NFATC2: variants seen among roughly 807,000 people sequenced by gnomAD.
NFATC2 encodes the protein nuclear factor of activated T cells 2, also known as nuclear factor of activated T-cells, cytoplasmic 2.
NFATC2 carries 22 observed loss-of-function variants against 87.3 expected under a neutral mutation model. The ratio of observed to expected loss-of-function variants is 0.25; its 90% CI spans 0.18 to 0.36. The LOEUF (loss-of-function observed/expected upper bound fraction) is 0.36. Ranked by LOEUF, NFATC2 falls within the 10% of genes least tolerant of loss-of-function variation. The pLI is 1.00. For synonymous variants in NFATC2, 565 were observed against 542.2 expected, an observed-to-expected ratio of 1.04 and a Z score of -0.58; for missense variants, 1,149 against 1,259.1, an observed-to-expected ratio of 0.91 and a Z score of 1.32.
intron 2 of NFATC2, among the ~76,000 whole-genome samples, 185 bp from the exon 3 acceptor site, chr20:51,517,140 C>T (rs1320800709): frequency 1.1e-4 from 17 of 152,138 alleles, no homozygotes; most frequent in Admixed American, 1.1e-3. Context: ...ACCAAGATGG[C>T]ACAGCCTACT....
chr20:51,510,630 T>C (rs2076258293), intron 3 of NFATC2, among the ~76,000 whole-genome samples: 3 of 152,234 alleles, frequency 2.0e-5, no homozygotes, highest in Admixed American at 2.0e-4. Flanking sequence ...TTTATTTGTT[T>C]GTTTTTTTAG....
At chr20:51,470,215 T>G (rs1988074816) in intron 5 of NFATC2, among the ~76,000 whole-genome samples, 1 of 149,710 alleles carries the variant, frequency 6.7e-6, no homozygotes, top group African/African-American at 2.5e-5. Flanking sequence ...CTACATGGAG[T>G]GGGAAGGGGT....
intron 1 of NFATC2, among the ~76,000 whole-genome samples, chr20:51,527,896 T>A (rs2076570326): frequency 6.6e-6 from 1 of 151,204 alleles, no homozygotes; most frequent in African/African-American, 2.4e-5. Flanking sequence ...AGGTCAGGAG[T>A]TTAAGACCAG....
At chr20:51,500,638 TCACCCTCACCACCCCCCCCTC>T (rs2076063667) in intron 3 of NFATC2, among the ~76,000 whole-genome samples, 1 of 30,560 alleles carries the variant, frequency 3.3e-5, no homozygotes, top group Non-Finnish European at 6.0e-5. Flanking sequence ...CCCTCCACCC[TCACCCTCACCACCCCCCCCTC>T]CACCCCCACC....
intron 6 of NFATC2, 115 bp from the exon 7 acceptor site, chr20:51,435,876 GGT>G (rs1311421699): frequency 3.5e-6 from 3 of 858,516 alleles, no homozygotes; most frequent in African/African-American, 1.7e-5. Context: ...ATTTCAGTAA[GGT>G]GTGTGTCAAT....
chr20:51,553,974 T>C (rs2076956528), intron 1 of NFATC2, among the ~76,000 whole-genome samples: 1 of 152,148 alleles, frequency 6.6e-6, no homozygotes, highest in Admixed American at 6.5e-5. Flanking sequence ...CCCAAGATCA[T>C]TTCTCTCTCC....
chr20:51,419,354 G>C (rs1218690728), intron 9 of NFATC2, among the ~76,000 whole-genome samples: 1 of 152,162 alleles, frequency 6.6e-6, no homozygotes, highest in Non-Finnish European at 1.5e-5. Flanking sequence ...CAAGACTCTG[G>C]CCAATACAGT....
intron 9 of NFATC2, among the ~76,000 whole-genome samples, chr20:51,413,332 C>T (rs1192971215): frequency 6.6e-6 from 1 of 152,084 alleles, no homozygotes; most frequent in African/African-American, 2.4e-5. Context: ...GAAGAGATAA[C>T]AGCCTGATTC....
At chr20:51,420,662 G>A (rs1055051070) in intron 9 of NFATC2, among the ~76,000 whole-genome samples, 22 of 152,184 alleles carry the variant, frequency 1.4e-4, no homozygotes, top group African/African-American at 5.1e-4. Flanking sequence ...AAAGGCATCT[G>A]CTTGCAACGC....
At chr20:51,519,640 G>A (rs1277734664) in intron 2 of NFATC2, among the ~76,000 whole-genome samples, 3 of 149,906 alleles carry the variant, frequency 2.0e-5, no homozygotes, top group Non-Finnish European at 4.4e-5. Flanking sequence ...AAAAGACCGG[G>A]TGCGGTGGCT....
chr20:51,454,264 T>C (rs1320982490), intron 6 of NFATC2, among the ~76,000 whole-genome samples: 1 of 152,194 alleles, frequency 6.6e-6, no homozygotes, highest in Non-Finnish European at 1.5e-5. Context: ...TTTAAAAATT[T>C]CCTTCCTTAT....
intron 3 of NFATC2, among the ~76,000 whole-genome samples, chr20:51,493,618 C>T (rs1235507860): frequency 6.6e-6 from 1 of 152,176 alleles, no homozygotes; most frequent in African/African-American, 2.4e-5. Context: ...CCATCTGAGG[C>T]CCCTCGAATG....
intron 1 of NFATC2, among the ~76,000 whole-genome samples, chr20:51,528,527 C>T (rs185921684): frequency 6.6e-6 from 1 of 152,156 alleles, no homozygotes; most frequent in Non-Finnish European, 1.5e-5. Flanking sequence ...CACACACAGA[C>T]AGATGTACAC....
intron 4 of NFATC2, among the ~76,000 whole-genome samples, chr20:51,475,044 C>G (rs947378626): frequency 2.7e-5 from 4 of 149,560 alleles, no homozygotes; most frequent in Non-Finnish European, 5.9e-5. Context: ...TCTCGGCTCA[C>G]AGCAACCTGC....
In NFATC2 at chr20:51,562,509, G is replaced by A. The variant is rs1454228917; in HGVS notation, c.70+51C>T. 6.7e-7 allele frequency: 1 copy of A among 1,485,920 alleles called. No homozygotes were observed. Among genetic ancestry groups the A allele is most frequent in the Non-Finnish European group, 9.2e-7 (1 of 1,090,352 alleles). 92.0% of individuals were successfully genotyped at this position (1,485,920 alleles called of 1,614,324 possible). On this transcript the variant is annotated intron_variant, in intron 1 of 10. Coordinates refer to the NFATC2 transcript ENST00000414705. The surrounding 1 kb of genome is among the most constrained non-coding windows in gnomAD (Gnocchi z 5.8). ...TGCCCGGGACGGGAGCAGCAGGAAA[G>A]GGCCGGGAGGAGCGAGCGGAAAAGG...
intron 10 of NFATC2, among the ~76,000 whole-genome samples, chr20:51,394,313 A>C (rs1986733503): frequency 6.6e-6 from 1 of 151,850 alleles, no homozygotes; most frequent in Non-Finnish European, 1.5e-5. Flanking sequence ...ACATTTGCAG[A>C]CTCGAGTACC....
intron 3 of NFATC2, among the ~76,000 whole-genome samples, chr20:51,484,623 A>G (rs1021051387): frequency 3.3e-5 from 5 of 152,226 alleles, no homozygotes; most frequent in Admixed American, 2.6e-4. Context: ...CTCCCATGAC[A>G]AAGAGCTGTT....
chr20:51,539,666 T>C (rs963313741), intron 1 of NFATC2, among the ~76,000 whole-genome samples: 2 of 152,166 alleles, frequency 1.3e-5, no homozygotes, highest in African/African-American at 4.8e-5. Flanking sequence ...AATTGTTTTA[T>C]TTTTTTATTT....
intron 1 of NFATC2, among the ~76,000 whole-genome samples, chr20:51,556,290 A>G (rs1414605563): frequency 6.6e-6 from 1 of 152,180 alleles, no homozygotes; most frequent in South Asian, 2.1e-4. Flanking sequence ...AAGCCATTCA[A>G]TTTGTGGTCA....
Sources: allele counts gnomAD v4.1 joint callset (sites outside exome capture counted in the v4.1 genomes callset), GRCh38; gene constraint gnomAD v4.1.1; non-coding constraint Gnocchi (gnomAD v3.1); transcripts MANE v1.5; gene names NCBI Gene and HGNC (gene_info 2026-07-23, HGNC 2026-07-21).